CEP120: variants seen among roughly 807,000 people sequenced by gnomAD.
CEP120 encodes centrosomal protein 120.
In CEP120, 113 loss-of-function variants were observed where a neutral mutation model predicts 126.5. The ratio of observed to expected loss-of-function variants is 0.89; its 90% CI spans 0.77 to 1.04. CEP120 has a LOEUF of 1.04. Ranked by LOEUF, CEP120 falls within the 50% of genes least tolerant of loss-of-function variation. The probability of loss-of-function intolerance (pLI) is 0.00; values close to 1 mark genes in which losing one functional copy is unlikely to be tolerated. For synonymous variants in CEP120, 400 were observed against 394.3 expected (o/e 1.01, Z -0.17); for missense variants, 1,230 against 1,155.7 (o/e 1.06, Z -0.93).
chr5:123,377,430 G>T lies in CEP120; in HGVS notation c.2302C>A (p.Leu768Ile). 1 of 1,611,344 alleles carries T rather than the reference G, an allele frequency of 6.2e-7. No individual in the cohort carries two copies. Among genetic ancestry groups the T allele is most frequent in the Non-Finnish European group, 8.5e-7 (1 of 1,179,134 alleles). Residue 768 changes from leucine (L) to isoleucine (I), a missense_variant, in exon 16 of 20, where the codon CTA becomes ATA. By Grantham distance (5) the Leu-to-Ile change is conservative. Coordinates refer to ENST00000306467, the MANE Select transcript of CEP120 (RefSeq NM_001375405.1). ...AKEDCIHQVE[L>I]ERLKIKQLEE... ...AGCTGTTTGATTTTTAACCTTTCTA[G>T]TTCTACTTGGTGAATACAGTCCTCT...
At chr5:123,397,793 A>C (rs1435711290) in intron 5 of CEP120, among the ~76,000 whole-genome samples, 3 of 152,154 alleles carry the variant, frequency 2.0e-5, no homozygotes, top group Non-Finnish European at 4.4e-5. Context: ...CCTCTAAGAA[A>C]GTAAATAAGG....
In CEP120 at chr5:123,346,648, A is replaced by C; in HGVS notation, c.2832T>G (p.Tyr944Ter). ...CCCTTTCTTCTATCAGGCGAGTCAA[A>C]TAATCATCCAAACCTTCTTCCAATA... The part of the protein sequence containing the change: ...GSVLEEGLDD[Y>*]LTRLIEERDT... The change falls in exon 20 of 20, where the codon TAT becomes TAG. Residue 944 changes from tyrosine (Y) to a stop codon, truncating the protein, a stop_gained. Coordinates refer to ENST00000306467, the MANE Select transcript of CEP120 (RefSeq NM_001375405.1). LOFTEE classifies it high-confidence loss of function. 1 of 1,614,020 alleles carries C rather than the reference A, an allele frequency of 6.2e-7. No individual in the cohort carries two copies. The highest frequency in any genetic ancestry group is 8.5e-7 in the Non-Finnish European group (1 of 1,179,968).
rs1436170211 is a variant in CEP120 at position 123,404,997 on chromosome 5, GAAGA to G, written c.464-5717_464-5714del. Among the ~76,000 whole-genome samples, 5 of 152,162 alleles carry G rather than the reference GAAGA, an allele frequency of 3.3e-5. No homozygotes were observed. In the South Asian group the frequency reaches 1.0e-3, roughly 32 times the overall value. On this transcript the variant is annotated intron_variant, in intron 4 of 19. Coordinates refer to ENST00000306467, the MANE Select transcript of CEP120 (RefSeq NM_001375405.1). ...AAAATAGGGACTGTAAAACATTGAA[GAAGA>G]AATATGCAGTCTGGCACATAGAGCT...
chr5:123,381,969 C>G (rs569651447), intron 14 of CEP120, 142 bp downstream of exon 14: 9 of 574,840 alleles, frequency 1.6e-5, no homozygotes, highest in Admixed American at 1.3e-4. Context: ...CCTTCTCTAT[C>G]CAGAGCCACC....
chr5:123,355,710 A>G (rs577398508), intron 18 of CEP120, among the ~76,000 whole-genome samples: 8 of 151,640 alleles, frequency 5.3e-5, no homozygotes, highest in African/African-American at 1.7e-4. Context: ...AGGTTGCAAA[A>G]ATTTTCTCCC....
At chr5:123,385,195 T>C in intron 10 of CEP120, 62 bp from the exon 11 acceptor site, 1 of 1,349,502 alleles carries the variant, frequency 7.4e-7, no homozygotes, top group Non-Finnish European at 1.0e-6. Flanking sequence ...TTTTCTGAAC[T>C]AAATTCTTTG....
In CEP120 at chr5:123,390,017, A is replaced by T. The variant is rs772094924; in HGVS notation, c.1162T>A (p.Ser388Thr). Reference sequence around the variant, plus strand: ...TTTGTTGGAGGTGACTGGTTGTGAGATGGAACAGGGGACACTGTTGGTGAT... The same window carrying T: ...TTTGTTGGAGGTGACTGGTTGTGAGTTGGAACAGGGGACACTGTTGGTGAT... ...PKSPTVSPVPSHNQSPPTKDD... is the reference protein window; with the variant it reads ...PKSPTVSPVPTHNQSPPTKDD... Residue 388 changes from serine (S) to threonine (T), a missense_variant, in exon 8 of 20, where the codon TCT (serine) becomes ACT (threonine). Physicochemically the swap from Ser to Thr is moderately conservative, Grantham distance 58 (BLOSUM62 1). Coordinates refer to ENST00000306467, the MANE Select transcript of CEP120 (RefSeq NM_001375405.1). The T allele has an allele frequency of 1.1e-5, 18 of 1,614,112 alleles. No individual in the cohort carries two copies. In the South Asian group the frequency reaches 1.9e-4, roughly 17 times the overall value.
intron 4 of CEP120, among the ~76,000 whole-genome samples, chr5:123,408,602 T>C (rs1048352784): frequency 6.6e-6 from 1 of 152,190 alleles, no homozygotes; most frequent in Admixed American, 6.5e-5. Flanking sequence ...GCCTATTATC[T>C]ATTAAAGAAA....
At chr5:123,403,974 T>C (rs1773461451) in intron 4 of CEP120, among the ~76,000 whole-genome samples, 2 of 152,196 alleles carry the variant, frequency 1.3e-5, no homozygotes, top group African/African-American at 4.8e-5. Context: ...TCAAATGAAA[T>C]TAGGTGGTAG....
At chr5:123,390,946 G>T (rs1772352343) in intron 7 of CEP120, 164 bp downstream of exon 7, 3 of 602,542 alleles carry the variant, frequency 5.0e-6, no homozygotes, top group Non-Finnish European at 5.8e-6. Context: ...AACCATAACA[G>T]AAGTCACAGC....
chr5:123,355,260 C>A (rs1349428567), intron 18 of CEP120, among the ~76,000 whole-genome samples: 1 of 152,138 alleles, frequency 6.6e-6, no homozygotes, highest in Non-Finnish European at 1.5e-5. Flanking sequence ...GTGCATATGT[C>A]TTTATAGCAG....
chr5:123,354,233 A>C (rs915812062), intron 18 of CEP120, among the ~76,000 whole-genome samples: 2 of 151,990 alleles, frequency 1.3e-5, no homozygotes, highest in Non-Finnish European at 2.9e-5. Context: ...TTATCTTTTT[A>C]TTTCTAGCTA....
At chr5:123,377,672 G>GAGTT in intron 15 of CEP120, 137 bp from the exon 16 acceptor site, 1 of 649,734 alleles carries the variant, frequency 1.5e-6, no homozygotes. Flanking sequence ...AGTTATTAGA[G>GAGTT]AGTTAATGTT....
chr5:123,372,597 T>C, intron 17 of CEP120, 53 bp downstream of exon 17: 2 of 1,533,746 alleles, frequency 1.3e-6, no homozygotes, highest in African/African-American at 2.7e-5. Context: ...ATTGATTGAT[T>C]TTATAAATTA....
chr5:123,402,767 A>G (rs952273158), intron 4 of CEP120, among the ~76,000 whole-genome samples: 6 of 152,320 alleles, frequency 3.9e-5, no homozygotes, highest in African/African-American at 1.4e-4. Context: ...TATGGTTTCA[A>G]TGTGTCCCCT....
At chr5:123,358,184 A>T (rs1163918053) in intron 18 of CEP120, 2 of 152,134 alleles carry the variant, frequency 1.3e-5, no homozygotes, top group African/African-American at 4.8e-5. Context: ...CTTTTAATAT[A>T]TCTTATGTTA....
rs1773296194 is a variant in CEP120 at position 123,402,181 on chromosome 5, C to G, written c.464-2897G>C. 24 of 1,576,646 alleles carry G rather than the reference C, an allele frequency of 1.5e-5. No homozygotes were observed. The South Asian group carries it at 2.5e-4, about 16-fold the overall frequency. On this transcript the variant is annotated intron_variant, in intron 4 of 19. Coordinates refer to ENST00000306467, the MANE Select transcript of CEP120 (RefSeq NM_001375405.1). The stretch of plus-strand genomic sequence containing the variant: ...ATGCCTCCCATGCCGCTGGCCCCAC[C>G]ACAGCCGCCGCCCAGGCCACCCCGA...
At chr5:123,420,744 T>C (rs1774660291) in intron 1 of CEP120, among the ~76,000 whole-genome samples, 1 of 152,154 alleles carries the variant, frequency 6.6e-6, no homozygotes, top group Non-Finnish European at 1.5e-5. Context: ...ATTATTACAG[T>C]AAGTTAGGTG....
At chr5:123,414,210 C>G (rs1401552530) in intron 3 of CEP120, among the ~76,000 whole-genome samples, 1 of 152,156 alleles carries the variant, frequency 6.6e-6, no homozygotes, top group Non-Finnish European at 1.5e-5. Flanking sequence ...GAAGTGTCTT[C>G]TAGACACTTG....
Sources: allele counts gnomAD v4.1 joint callset (sites outside exome capture counted in the v4.1 genomes callset), GRCh38; gene constraint gnomAD v4.1.1; transcripts MANE v1.5; gene names NCBI Gene and HGNC (gene_info 2026-07-23, HGNC 2026-07-21).